SKAP2: variants seen among roughly 807,000 people sequenced by gnomAD.
SKAP2 encodes src kinase-associated phosphoprotein 2.
Under a neutral mutation model 54.9 loss-of-function variants are expected in SKAP2, and 28 were observed. The ratio of observed to expected loss-of-function variants is 0.51; its 90% CI spans 0.38 to 0.70. The LOEUF (loss-of-function observed/expected upper bound fraction) is 0.70. Ranked by LOEUF, SKAP2 falls within the 30% of genes least tolerant of loss-of-function variation. SKAP2 has a pLI of 0.00. For synonymous variants in SKAP2, 137 were observed against 134.3 expected (o/e 1.02, Z -0.14); for missense variants, 356 against 424.1 (o/e 0.84, Z 1.41).
In SKAP2 at chr7:26,738,843, A is replaced by G. The variant is rs1472790853; in HGVS notation, c.421T>C (p.Trp141Arg). 11 of 1,608,420 alleles carry G rather than the reference A, an allele frequency of 6.8e-6. No individual in the cohort carries two copies. The highest frequency in any genetic ancestry group is 9.4e-6 in the Non-Finnish European group (11 of 1,175,220). Residue 141 changes from tryptophan (W) to arginine (R), a missense_variant, in exon 6 of 13, where the codon TGG becomes CGG. By Grantham distance (101) the Trp-to-Arg change is moderately radical. Transcript: ENST00000345317. ...SFLGFEWQKR[W>R]CALSKTVFYY... ...AATACCGTTTTACTGAGAGCACACC[A>G]CCGTTTCTGCCATTCAAATCCCAGA... is the stretch of plus-strand genomic sequence containing the variant.
chr7:26,833,310 G>A (rs925391627), intron 4 of SKAP2, among the ~76,000 whole-genome samples: 1 of 150,360 alleles, frequency 6.7e-6, no homozygotes, highest in Non-Finnish European at 1.5e-5. Context: ...GCAGGAGAAT[G>A]GAGTGAACCC....
intron 9 of SKAP2, among the ~76,000 whole-genome samples, chr7:26,725,014 T>C (rs2127955646): frequency 6.6e-6 from 1 of 152,204 alleles, no homozygotes. Context: ...CAGAAGTTGG[T>C]AACATCTGGG....
intron 10 of SKAP2, among the ~76,000 whole-genome samples, chr7:26,689,339 A>C (rs1786727067): frequency 6.6e-6 from 1 of 152,214 alleles, no homozygotes; most frequent in South Asian, 2.1e-4. Flanking sequence ...ATAAGAAGGC[A>C]GTCTTTCTCT....
intron 4 of SKAP2, among the ~76,000 whole-genome samples, chr7:26,782,506 C>A (rs1297673043): frequency 6.6e-6 from 1 of 152,104 alleles, no homozygotes; most frequent in Admixed American, 6.6e-5. Flanking sequence ...AAAACCTAAC[C>A]CCCAAGGTTG....
chr7:26,790,956 G>A (rs1178339431), intron 4 of SKAP2, among the ~76,000 whole-genome samples: 1 of 152,094 alleles, frequency 6.6e-6, no homozygotes, highest in East Asian at 1.9e-4. Context: ...AGTCAAATAT[G>A]GAGAAATGTC....
rs1554309148 is a variant in SKAP2 at position 26,857,329 on chromosome 7, A to AAAAAAC, written c.68-2440_68-2439insGTTTTT. 2.5e-3 allele frequency: 682 copies of AAAAAAC among 268,456 alleles called. 9 individuals carry two copies. Among genetic ancestry groups the AAAAAAC allele is most frequent in the African/African-American group, 0.016 (655 of 42,106 alleles). 16.6% of individuals were successfully genotyped at this position (268,456 alleles called of 1,614,324 possible). On this transcript the variant is annotated intron_variant, in intron 1 of 12. Transcript: ENST00000345317. ...TTTGCTTAAAAAAAAAAAAAAAAAAAAAAAAACTTTAAACTGGAAGCAGTT... is the reference window on the plus strand; with the variant it reads ...TTTGCTTAAAAAAAAAAAAAAAAAAAAAAAACAAAAAACTTTAAACTGGAAGCAGTT...
intron 10 of SKAP2, among the ~76,000 whole-genome samples, chr7:26,688,348 AAC>A (rs1381999285): frequency 6.6e-6 from 1 of 152,220 alleles, no homozygotes; most frequent in Non-Finnish European, 1.5e-5. Flanking sequence ...ACTTGTAAGA[AAC>A]ACAAGATTAA....
At chr7:26,812,787 G>A (rs1784180426) in intron 4 of SKAP2, among the ~76,000 whole-genome samples, 1 of 151,570 alleles carries the variant, frequency 6.6e-6, no homozygotes, top group African/African-American at 2.4e-5. Flanking sequence ...TGAGATTCAA[G>A]TCCTAACCAT....
chr7:26,771,007 T>C (rs986270013), intron 4 of SKAP2, among the ~76,000 whole-genome samples: 1 of 152,222 alleles, frequency 6.6e-6, no homozygotes, highest in Non-Finnish European at 1.5e-5. Context: ...TCTTACTTAA[T>C]AATATTTCAA....
intron 1 of SKAP2, among the ~76,000 whole-genome samples, chr7:26,863,869 T>G (rs1358747985): frequency 6.6e-6 from 1 of 152,060 alleles, no homozygotes; most frequent in Admixed American, 6.5e-5. Context: ...GACAAACTCT[T>G]TCACCCCATA....
chr7:26,681,779 A>C (rs1477109341), intron 11 of SKAP2, among the ~76,000 whole-genome samples: 1 of 152,222 alleles, frequency 6.6e-6, no homozygotes, highest in African/African-American at 2.4e-5. Flanking sequence ...TATCTCTACA[A>C]ATACTATTTT....
chr7:26,675,605 TAA>T lies in SKAP2; in HGVS notation c.988-5415_988-5414del, dbSNP rs1382974174. Among the ~76,000 whole-genome samples, 4 of 152,238 alleles carry T rather than the reference TAA, an allele frequency of 2.6e-5. No homozygotes were observed. In the East Asian group the frequency reaches 7.7e-4, roughly 29 times the overall value. On this transcript the variant is annotated intron_variant, in intron 11 of 12. Coordinates refer to ENST00000345317, the MANE Select transcript of SKAP2 (RefSeq NM_003930.5). ...GTAGGTACTAGATGATTAAATAGAC[TAA>T]GTCTTCATTTTGGATGATGCACCAG...
chr7:26,854,067 G>T, intron 3 of SKAP2, 70 bp downstream of exon 3: 1 of 997,892 alleles, frequency 1.0e-6, no homozygotes, highest in Non-Finnish European at 1.5e-6. Context: ...TTCAGTATGT[G>T]TTAGATTATC....
At chr7:26,722,833 T>G (rs12700755) in intron 9 of SKAP2, among the ~76,000 whole-genome samples, 78,254 of 152,132 alleles carry the variant, frequency 0.51, 21,523 homozygotes, top group East Asian at 0.88. Flanking sequence ...GAAAAAGAGC[T>G]TTGTGATTTA....
At chr7:26,696,402 G>C (rs190140861) in intron 9 of SKAP2, among the ~76,000 whole-genome samples, 1 of 152,162 alleles carries the variant, frequency 6.6e-6, no homozygotes, top group Non-Finnish European at 1.5e-5. Context: ...ACTGGACACT[G>C]CTTCTAATTC....
At chr7:26,687,121 T>C (rs1185654460) in intron 10 of SKAP2, among the ~76,000 whole-genome samples, 2 of 151,010 alleles carry the variant, frequency 1.3e-5, no homozygotes, top group Non-Finnish European at 3.0e-5. Context: ...TGGTGATTTC[T>C]AACACATAAT....
At chr7:26,686,890 T>G (rs1486684901) in intron 10 of SKAP2, among the ~76,000 whole-genome samples, 1 of 152,210 alleles carries the variant, frequency 6.6e-6, no homozygotes, top group South Asian at 2.1e-4. Flanking sequence ...TTCTTTAGTC[T>G]GCGTTCCCCA....
rs113915365 is a variant in SKAP2 at position 26,715,124 on chromosome 7, A to G, written c.796+10304T>C. Among the ~76,000 whole-genome samples, 572 of 152,324 alleles carry G rather than the reference A, an allele frequency of 3.8e-3. 3 individuals carry two copies. The highest frequency in any genetic ancestry group is 0.013 in the African/African-American group (545 of 41,576). On this transcript the variant is annotated intron_variant, in intron 9 of 12. Coordinates refer to ENST00000345317, the MANE Select transcript of SKAP2 (RefSeq NM_003930.5). ...AACATAAAAGCCTAGCCCCATTAACATAATTTTTCTTTTTTCTTTACAAAT... is the reference window on the plus strand; with the variant it reads ...AACATAAAAGCCTAGCCCCATTAACGTAATTTTTCTTTTTTCTTTACAAAT...
intron 6 of SKAP2, among the ~76,000 whole-genome samples, chr7:26,735,869 A>G (rs1337783866): frequency 6.6e-6 from 1 of 152,196 alleles, no homozygotes; most frequent in Non-Finnish European, 1.5e-5. Flanking sequence ...CTAAAGACAG[A>G]TCTTTTTTTG....
Sources: gnomAD v4.1 joint callset for allele counts (sites outside exome capture counted in the v4.1 genomes callset) on GRCh38, gnomAD v4.1.1 for gene constraint, MANE v1.5 for transcripts, NCBI Gene and HGNC (gene_info 2026-07-23, HGNC 2026-07-21) for gene names.